FBN2: variants seen among roughly 807,000 people sequenced by gnomAD.
FBN2 encodes fibrillin-2.
A neutral mutation model predicts 355.6 loss-of-function variants in FBN2; 105 were observed. That is an observed-to-expected ratio of 0.30 (90% CI 0.25 to 0.35). The LOEUF (loss-of-function observed/expected upper bound fraction) is 0.35, where lower values mean the gene tolerates loss of function less well. Among genes scored for constraint, FBN2 ranks in the 10% least tolerant of loss-of-function variants. The pLI is 1.00. For missense variants in FBN2, 3,280 were observed against 3,758.7 expected (o/e 0.87, Z 3.33); for synonymous variants, 1,350 against 1,301.2 (o/e 1.04, Z -0.81).
At chr5:128,287,180 GC>G in intron 54 of FBN2, 127 bp downstream of exon 54, 2 of 1,156,024 alleles carry the variant, frequency 1.7e-6, no homozygotes, top group South Asian at 2.5e-5. Context: ...AAATCTACTA[GC>G]AAAATGCTGT....
At chr5:128,263,319 G>T (rs1167717327) in intron 63 of FBN2, 106 bp downstream of exon 63, 1 of 830,260 alleles carries the variant, frequency 1.2e-6, no homozygotes, top group Non-Finnish European at 2.1e-6. Flanking sequence ...CAATGCTTTT[G>T]CGGTTTGGCT....
chr5:128,303,127 A>T (rs372626144), intron 45 of FBN2, 38 bp from the exon 46 acceptor site: 195 of 1,282,456 alleles, frequency 1.5e-4, no homozygotes, highest in Non-Finnish European at 2.2e-4. Context: ...TCAATTTTTA[A>T]CTAGAAAAAA....
At chr5:128,314,266 A>G (rs940139603) in intron 36 of FBN2, among the ~76,000 whole-genome samples, 5 of 152,160 alleles carry the variant, frequency 3.3e-5, no homozygotes, top group Admixed American at 6.5e-5. Context: ...GCTGAATCTC[A>G]GATCTCAGAG....
intron 6 of FBN2, among the ~76,000 whole-genome samples, chr5:128,451,944 T>C (rs1157526956): frequency 6.6e-6 from 1 of 150,714 alleles, no homozygotes; most frequent in Non-Finnish European, 1.5e-5. Flanking sequence ...ATTCTGTAAC[T>C]GCCTAAAAAG....
intron 15 of FBN2, among the ~76,000 whole-genome samples, chr5:128,374,173 C>G (rs945008739): frequency 6.6e-6 from 1 of 152,078 alleles, no homozygotes; most frequent in South Asian, 2.1e-4. Flanking sequence ...AGGGGGCTAT[C>G]TGGGGGTTCC....
At chr5:128,465,050 G>A (rs1754672201) in intron 5 of FBN2, 129 bp from the exon 6 acceptor site, 1 of 902,972 alleles carries the variant, frequency 1.1e-6, no homozygotes. Flanking sequence ...AGGCTAGAGA[G>A]TTTCATGTTA....
intron 5 of FBN2, among the ~76,000 whole-genome samples, chr5:128,475,569 G>GA (rs1754986499): frequency 1.3e-5 from 2 of 152,012 alleles, no homozygotes; most frequent in South Asian, 2.1e-4. Context: ...GATGTAATTG[G>GA]AAAAAATATC....
At chr5:128,356,539 T>A (rs1011012627) in intron 20 of FBN2, among the ~76,000 whole-genome samples, 2 of 152,268 alleles carry the variant, frequency 1.3e-5, no homozygotes, top group African/African-American at 4.8e-5. Flanking sequence ...TAGCTAATGA[T>A]GTGAACTGTG....
chr5:128,349,617 G>T, intron 22 of FBN2, 145 bp from the exon 23 acceptor site: 1 of 1,051,808 alleles, frequency 9.5e-7, no homozygotes, highest in Non-Finnish European at 1.4e-6. Context: ...TTCCACAACC[G>T]AGCCACCCGC....
At chr5:128,370,165 A>G (rs1378787180) in intron 15 of FBN2, among the ~76,000 whole-genome samples, 1 of 152,114 alleles carries the variant, frequency 6.6e-6, no homozygotes, top group Non-Finnish European at 1.5e-5. Context: ...CTCACTCTTA[A>G]TTCTCATAAA....
rs1751844293 is a variant in FBN2 at position 128,368,516 on chromosome 5, A to T, written c.2248+666T>A. ...TATATATACATATATATATAATCAA[A>T]TTGAGTTCTTGTTGTGTTTATAACC... On this transcript the variant is annotated intron_variant, in intron 16 of 64. Transcript: ENST00000262464. 2.7e-5 allele frequency among the ~76,000 whole-genome samples: 4 copies of T among 148,636 alleles called. No individual in the cohort carries two copies. The South Asian group carries it at 8.4e-4, about 31-fold the overall frequency.
chr5:128,511,930 T>A (rs941378509), intron 5 of FBN2, among the ~76,000 whole-genome samples: 1 of 152,190 alleles, frequency 6.6e-6, no homozygotes, highest in African/African-American at 2.4e-5. Context: ...ATAACTTGTG[T>A]ATAGGAAAAG....
At chr5:128,345,259 G>A in intron 24 of FBN2, 98 bp downstream of exon 24, 1 of 977,136 alleles carries the variant, frequency 1.0e-6, no homozygotes, top group Non-Finnish European at 1.7e-6. Flanking sequence ...AGAAAATAAA[G>A]TGGGAAGTCA....
At chr5:128,307,478 C>T (rs1434397237) in intron 41 of FBN2, among the ~76,000 whole-genome samples, 1 of 151,562 alleles carries the variant, frequency 6.6e-6, no homozygotes, top group Non-Finnish European at 1.5e-5. Flanking sequence ...TCAAAATGTC[C>T]ATTTAGATAT....
intron 48 of FBN2, among the ~76,000 whole-genome samples, chr5:128,299,873 C>A (rs568878065): frequency 9.1e-4 from 138 of 152,126 alleles, no homozygotes; most frequent in Non-Finnish European, 1.8e-3. Flanking sequence ...AGAAACTTCT[C>A]ACTGAGATGA....
Position 128,304,937 on chromosome 5 carries a change from G to C in FBN2, c.5800+20C>G. On this transcript the variant is annotated intron_variant, in intron 45 of 64. Coordinates refer to ENST00000262464, the MANE Select transcript of FBN2 (RefSeq NM_001999.4). ...AACCCCAGCCCCACTTCACTCCCTG[G>C]AGCCACATGCCCTTCTTACCCATGC... 6.2e-7 allele frequency: 1 copy of C among 1,613,712 alleles called. No homozygotes were observed. Among genetic ancestry groups the C allele is most frequent in the Non-Finnish European group, 8.5e-7 (1 of 1,179,826 alleles).
intron 48 of FBN2, among the ~76,000 whole-genome samples, chr5:128,298,241 CTGACCTTT>C (rs1749587221): frequency 6.6e-6 from 1 of 151,746 alleles, no homozygotes; most frequent in Non-Finnish European, 1.5e-5. Context: ...TGAGGGTAAC[CTGACCTTT>C]CTCTCTGGCT....
intron 1 of FBN2, among the ~76,000 whole-genome samples, chr5:128,536,819 C>T (rs571022623): frequency 5.3e-5 from 8 of 152,264 alleles, no homozygotes; most frequent in African/African-American, 1.4e-4. Flanking sequence ...CCAAAGAATC[C>T]TTGCCCTCCT....
chr5:128,318,818 C>T (rs1485685477), intron 35 of FBN2, 61 bp downstream of exon 35: 1 of 1,572,312 alleles, frequency 6.4e-7, no homozygotes, highest in African/African-American at 1.3e-5. Flanking sequence ...AATTTTTATG[C>T]TTAGCACAGA....
Sources: gnomAD v4.1 joint callset for allele counts (sites outside exome capture counted in the v4.1 genomes callset) on GRCh38, gnomAD v4.1.1 for gene constraint, MANE v1.5 for transcripts, NCBI Gene and HGNC (gene_info 2026-07-23, HGNC 2026-07-21) for gene names.